Variants in MRTFB observed in about 807,000 individuals in gnomAD.
The protein encoded by MRTFB is myocardin-related transcription factor B.
Under a neutral mutation model 104.2 loss-of-function variants are expected in MRTFB, and 29 were observed. That is an observed-to-expected ratio of 0.28 (90% CI 0.21 to 0.38). The LOEUF (loss-of-function observed/expected upper bound fraction) is 0.38. MRTFB is among the 10% of genes least tolerant of loss of function. MRTFB has a pLI of 1.00. For synonymous variants in MRTFB, 535 were observed against 519.5 expected (o/e 1.03, Z -0.41); for missense variants, 1,270 against 1,341.6 (o/e 0.95, Z 0.83).
rs1025552770 is a variant in MRTFB at position 14,213,465 on chromosome 16, T to A, written c.277-80T>A. The A allele has an allele frequency of 3.0e-6, 3 of 1,016,198 alleles. No individual in the cohort carries two copies. The African/African-American group carries it at 4.9e-5, about 17-fold the overall frequency. The allele number at this position is 1,016,198 out of a possible 1,614,324, so 62.9% of individuals were successfully genotyped here. On this transcript the variant is annotated intron_variant, in intron 5 of 16. Transcript: ENST00000571589. ...CATGACCATAAGCGTATCGTTTATT[T>A]AAATGGAATACCTTAAAGAACATTT...
chr16:14,130,984 C>G (rs553054158), intron 2 of MRTFB, among the ~76,000 whole-genome samples: 14 of 152,280 alleles, frequency 9.2e-5, no homozygotes, highest in African/African-American at 3.1e-4. Context: ...CTTCCCATGA[C>G]ACATGGGGAT....
chr16:14,036,685 A>G, the MRTFB span, among the ~76,000 whole-genome samples: 3 of 151,828 alleles, frequency 2.0e-5, no homozygotes, highest in Non-Finnish European at 4.4e-5. Flanking sequence ...AGAAATATAT[A>G]TATAACTACC....
intron 15 of MRTFB, among the ~76,000 whole-genome samples, chr16:14,255,397 G>C (rs915644631): frequency 6.6e-6 from 1 of 152,180 alleles, no homozygotes; most frequent in Non-Finnish European, 1.5e-5. Flanking sequence ...ATTTCACACA[G>C]AGCAAACAAC....
intron 15 of MRTFB, among the ~76,000 whole-genome samples, chr16:14,254,642 A>T (rs147608349): frequency 0.02 from 2,976 of 152,346 alleles, 112 homozygotes; most frequent in African/African-American, 0.068. Flanking sequence ...GTGAGATTGG[A>T]ACATCTACCC....
intron 8 of MRTFB, among the ~76,000 whole-genome samples, chr16:14,232,505 C>G (rs2151308548): frequency 1.3e-5 from 2 of 152,282 alleles, no homozygotes; most frequent in South Asian, 4.2e-4. Flanking sequence ...TTAGATGAGC[C>G]CTTTCCCTTC....
chr16:14,197,426 G>T (rs778542293), intron 3 of MRTFB, among the ~76,000 whole-genome samples: 1 of 151,742 alleles, frequency 6.6e-6, no homozygotes, highest in East Asian at 1.9e-4. Flanking sequence ...TTTTGTCTTC[G>T]TTCCTACCAT....
intron 2 of MRTFB, among the ~76,000 whole-genome samples, chr16:14,103,492 C>T (rs1201037938): frequency 1.3e-5 from 2 of 152,174 alleles, no homozygotes. Flanking sequence ...GTGCCCTTGA[C>T]AGCCCTTGTG....
intron 2 of MRTFB, among the ~76,000 whole-genome samples, chr16:14,104,115 T>C (rs1014804144): frequency 1.3e-5 from 2 of 152,214 alleles, no homozygotes. Flanking sequence ...AAAAAACTTA[T>C]AAAAATTACA....
At chr16:14,054,671 G>C in the MRTFB span, among the ~76,000 whole-genome samples, 1 of 152,152 alleles carries the variant, frequency 6.6e-6, no homozygotes, top group Non-Finnish European at 1.5e-5. Flanking sequence ...CCGCTAGCTA[G>C]TAAGCTCTCT....
At chr16:14,021,321 C>T in the MRTFB span, among the ~76,000 whole-genome samples, 3 of 152,178 alleles carry the variant, frequency 2.0e-5, no homozygotes, top group Non-Finnish European at 4.4e-5. Context: ...GGTCTTTGAT[C>T]GTAGAGGCAG....
intron 2 of MRTFB, among the ~76,000 whole-genome samples, chr16:14,089,201 C>A (rs2034902519): frequency 6.6e-6 from 1 of 152,138 alleles, no homozygotes; most frequent in Non-Finnish European, 1.5e-5. Flanking sequence ...AAGTGTAGAA[C>A]TCAATGATTT....
At chr16:14,063,937 A>C in the MRTFB span, among the ~76,000 whole-genome samples, 3 of 152,234 alleles carry the variant, frequency 2.0e-5, no homozygotes, top group Admixed American at 2.0e-4. Flanking sequence ...CAATGAACAT[A>C]CACATGCATG....
At chr16:14,098,709 C>T (rs919809129) in intron 2 of MRTFB, among the ~76,000 whole-genome samples, 1 of 152,032 alleles carries the variant, frequency 6.6e-6, no homozygotes, top group Non-Finnish European at 1.5e-5. Flanking sequence ...GGTATATGAC[C>T]CATTTTGACT....
chr16:14,000,286 G>A, the MRTFB span, among the ~76,000 whole-genome samples: 3 of 152,234 alleles, frequency 2.0e-5, no homozygotes, highest in Admixed American at 6.5e-5. Context: ...CCCAGCCCCC[G>A]GCGGGGGAGG....
intron 4 of MRTFB, among the ~76,000 whole-genome samples, chr16:14,211,109 T>C (rs1209551372): frequency 1.3e-5 from 2 of 152,232 alleles, no homozygotes; most frequent in African/African-American, 2.4e-5. Flanking sequence ...TATGATAAAC[T>C]GCTTTCTTGG....
chr16:14,003,652 CCCTCCCTCCCT>C, the MRTFB span, among the ~76,000 whole-genome samples: 2 of 14,212 alleles, frequency 1.4e-4, no homozygotes, highest in Non-Finnish European at 6.0e-4. Flanking sequence ...CTCCCTCCCT[CCCTCCCTCCCT>C]CCCTCCCTTC....
At chr16:14,195,299 C>A (rs780098902) in intron 3 of MRTFB, among the ~76,000 whole-genome samples, 4 of 152,182 alleles carry the variant, frequency 2.6e-5, no homozygotes, top group Non-Finnish European at 5.9e-5. Context: ...ATCCTCTATG[C>A]TGTGCATGGC....
rs1415110984 is a variant in MRTFB at position 14,263,874 on chromosome 16, T to G, written c.*2430T>G. 6.6e-6 allele frequency: 1 copy of G among 152,230 alleles called. No homozygotes were observed. The highest frequency in any genetic ancestry group is 1.5e-5 in the Non-Finnish European group (1 of 68,070). 9.4% of individuals were successfully genotyped at this position (152,230 alleles called of 1,614,324 possible). A position where few individuals can be genotyped will look rare whatever the true frequency, so the allele number is the denominator to read the frequency against. On this transcript the variant is annotated 3_prime_UTR_variant, in exon 17 of 17. Transcript: ENST00000571589. ...CCGCTTGACCCTCCTCTCTCCTGGC[T>G]TGGGTCACCAGCCAGGCACCTGTGA...
chr16:14,113,902 G>A (rs938226800), intron 2 of MRTFB, among the ~76,000 whole-genome samples: 2 of 151,968 alleles, frequency 1.3e-5, no homozygotes, highest in Non-Finnish European at 2.9e-5. Flanking sequence ...GGTTTCATAG[G>A]TCTCTTGAAT....
Sources: gnomAD v4.1 joint callset for allele counts (sites outside exome capture counted in the v4.1 genomes callset) on GRCh38, gnomAD v4.1.1 for gene constraint, MANE v1.5 for transcripts, NCBI Gene and HGNC (gene_info 2026-07-23, HGNC 2026-07-21) for gene names.